ZNF804A: variants seen among roughly 807,000 people sequenced by gnomAD.
ZNF804A encodes the protein zinc finger protein 804A.
In ZNF804A, 2 loss-of-function variants were observed where a neutral mutation model predicts 16.5. The observed-to-expected ratio is 0.12, with a 90% CI of 0.05 to 0.38. The LOEUF is 0.38. Among genes scored for constraint, ZNF804A ranks in the 10% least tolerant of loss-of-function variants. ZNF804A has a pLI of 0.99. For synonymous variants in ZNF804A, 534 were observed against 489.6 expected, an observed-to-expected ratio of 1.09 and a Z score of -1.20; for missense variants, 1,473 against 1,390.7, an observed-to-expected ratio of 1.06 and a Z score of -0.94.
intron 1 of ZNF804A, among the ~76,000 whole-genome samples, chr2:184,746,056 T>G (rs1693785517): frequency 6.6e-6 from 1 of 151,556 alleles, no homozygotes; most frequent in Non-Finnish European, 1.5e-5. Context: ...ACGCATTTTT[T>G]TTCACATTTT....
At chr2:184,802,975 C>A (rs1694749127) in intron 1 of ZNF804A, among the ~76,000 whole-genome samples, 1 of 152,104 alleles carries the variant, frequency 6.6e-6, no homozygotes, top group African/African-American at 2.4e-5. Flanking sequence ...ACCTTCCAAT[C>A]TGTAAAATGA....
intron 1 of ZNF804A, among the ~76,000 whole-genome samples, chr2:184,760,357 C>A (rs936510673): frequency 6.6e-6 from 1 of 151,934 alleles, no homozygotes; most frequent in Non-Finnish European, 1.5e-5. Context: ...ATGCATATGA[C>A]ATATATAATT....
chr2:184,724,666 A>C (rs769801308), intron 1 of ZNF804A, among the ~76,000 whole-genome samples: 6 of 151,700 alleles, frequency 4.0e-5, no homozygotes, highest in Non-Finnish European at 7.4e-5. Flanking sequence ...GTCTGATTCT[A>C]TAAGTATGAA....
At chr2:184,720,420 C>G (rs1448624705) in intron 1 of ZNF804A, among the ~76,000 whole-genome samples, 1 of 151,966 alleles carries the variant, frequency 6.6e-6, no homozygotes, top group Non-Finnish European at 1.5e-5. Flanking sequence ...TTGCAGGATA[C>G]AAAATCAACA....
At chr2:184,661,564 T>G (rs971134281) in intron 1 of ZNF804A, among the ~76,000 whole-genome samples, 1 of 152,204 alleles carries the variant, frequency 6.6e-6, no homozygotes, top group Admixed American at 6.5e-5. Flanking sequence ...GGGCTTAGAA[T>G]GCTGACTGGT....
At chr2:184,844,794 A>G (rs1399125023) in intron 1 of ZNF804A, among the ~76,000 whole-genome samples, 2 of 151,758 alleles carry the variant, frequency 1.3e-5, no homozygotes, top group Non-Finnish European at 2.9e-5. Context: ...TTGTTACTTC[A>G]TCTATTTCTT....
chr2:184,648,609 A>T (rs1691924862), intron 1 of ZNF804A, among the ~76,000 whole-genome samples: 1 of 152,154 alleles, frequency 6.6e-6, no homozygotes, highest in Non-Finnish European at 1.5e-5. Context: ...TGCCATAGAA[A>T]TGAAAAACAA....
At chr2:184,856,856 T>A (rs1007055776) in intron 1 of ZNF804A, among the ~76,000 whole-genome samples, 3 of 152,012 alleles carry the variant, frequency 2.0e-5, no homozygotes, top group African/African-American at 7.2e-5. Flanking sequence ...TCTGAAAAAA[T>A]TTTAAGTCCA....
chr2:184,771,459 T>C (rs1487795121), intron 1 of ZNF804A, among the ~76,000 whole-genome samples: 1 of 151,856 alleles, frequency 6.6e-6, no homozygotes, highest in Non-Finnish European at 1.5e-5. Context: ...TTAAGATGTC[T>C]CCTGGGGCTA....
At chr2:184,656,733 T>C (rs552034864) in intron 1 of ZNF804A, among the ~76,000 whole-genome samples, 239 of 150,624 alleles carry the variant, frequency 1.6e-3, no homozygotes, top group Non-Finnish European at 2.5e-3. Context: ...TACACATATA[T>C]ACACACACAC....
chr2:184,919,964 A>C (rs1397594408), intron 2 of ZNF804A, among the ~76,000 whole-genome samples: 1 of 152,066 alleles, frequency 6.6e-6, no homozygotes, highest in Non-Finnish European at 1.5e-5. Context: ...ATAATATAAA[A>C]ATTAGCTTGG....
intron 1 of ZNF804A, among the ~76,000 whole-genome samples, chr2:184,692,164 TGTGA>T (rs980910676): frequency 3.8e-4 from 58 of 152,200 alleles, no homozygotes; most frequent in African/African-American, 1.1e-3. Flanking sequence ...AACTAGTGTG[TGTGA>T]GTATCTCTGT....
chr2:184,936,631 A>G lies in ZNF804A; in HGVS notation c.1235A>G (p.His412Arg), dbSNP rs751217226. The G allele has an allele frequency of 3.7e-6, 6 of 1,613,926 alleles. No homozygotes were observed. The highest frequency in any genetic ancestry group is 1.7e-5 in the Admixed American group (1 of 59,974). The change falls in exon 4 of 4, where the codon CAT becomes CGT. Residue 412 changes from histidine (H) to arginine (R), a missense_variant. Transcript: ENST00000302277. ...SNTEEVNITI[H>R]KKTNFCKRQC... ...ACTGAAGAGGTTAACATAACTATACATAAGAAAACAAATTTCTGCAAAAGA... is the reference window on the plus strand; with the variant it reads ...ACTGAAGAGGTTAACATAACTATACGTAAGAAAACAAATTTCTGCAAAAGA...
chr2:184,660,161 T>C (rs1272288860), intron 1 of ZNF804A, among the ~76,000 whole-genome samples: 1 of 152,212 alleles, frequency 6.6e-6, no homozygotes, highest in African/African-American at 2.4e-5. Flanking sequence ...GTAGTTTTAA[T>C]GTAATTAAGA....
intron 1 of ZNF804A, among the ~76,000 whole-genome samples, chr2:184,613,615 G>C (rs767022993): frequency 6.6e-6 from 1 of 152,104 alleles, no homozygotes; most frequent in Admixed American, 6.6e-5. Context: ...AGGGGAAAGA[G>C]AAATTAATTA....
intron 1 of ZNF804A, among the ~76,000 whole-genome samples, chr2:184,844,596 G>T (rs1429087356): frequency 6.6e-6 from 1 of 150,510 alleles, no homozygotes; most frequent in African/African-American, 2.5e-5. Context: ...TTCTCCATAG[G>T]TAACACTTTT....
chr2:184,613,254 TTC>T (rs1197464812), intron 1 of ZNF804A, among the ~76,000 whole-genome samples: 1 of 152,158 alleles, frequency 6.6e-6, no homozygotes, highest in East Asian at 1.9e-4. Flanking sequence ...ATCATTCATA[TTC>T]TCTCTCTTTC....
chr2:184,917,832 T>C lies in ZNF804A; in HGVS notation c.256-15771T>C, dbSNP rs556076745. Among the ~76,000 whole-genome samples, 15 of 152,048 alleles carry C rather than the reference T, an allele frequency of 9.9e-5. No individual in the cohort carries two copies. The East Asian group carries it at 2.5e-3, about 26-fold the overall frequency. On this transcript the variant is annotated intron_variant, in intron 2 of 3. Transcript: ENST00000302277. ...ACACACACACACACACAAATACTTA[T>C]ATAAAATAAGGAAAATATTCTCATG...
At chr2:184,599,825 A>T (rs768888672) in intron 1 of ZNF804A, among the ~76,000 whole-genome samples, 3 of 152,166 alleles carry the variant, frequency 2.0e-5, no homozygotes, top group Non-Finnish European at 4.4e-5. Context: ...GAGAAGATGT[A>T]CTGAGCATTG....
Sources: allele counts gnomAD v4.1 joint callset (sites outside exome capture counted in the v4.1 genomes callset), GRCh38; gene constraint gnomAD v4.1.1; transcripts MANE v1.5; gene names NCBI Gene and HGNC (gene_info 2026-07-23, HGNC 2026-07-21).